Variants in KCNAB1 observed in about 807,000 individuals in gnomAD.
The protein encoded by KCNAB1 is voltage-gated potassium channel subunit beta-1.
KCNAB1 carries 35 observed loss-of-function variants against 64.6 expected under a neutral mutation model. The ratio of observed to expected loss-of-function variants is 0.54; its 90% CI spans 0.41 to 0.72. KCNAB1 has a LOEUF of 0.72. KCNAB1 is among the 30% of genes least tolerant of loss of function. The pLI, the probability that KCNAB1 is intolerant of heterozygous loss-of-function variation, is 0.00. For missense variants in KCNAB1, 401 were observed against 512.9 expected (o/e 0.78, Z 2.11); for synonymous variants, 177 against 183.8 (o/e 0.96, Z 0.30).
chr3:156,120,546 G>A (rs941662590), upstream of KCNAB1: 3 of 1,581,654 alleles, frequency 1.9e-6, no homozygotes, highest in African/African-American at 2.7e-5. Context: ...GGAGGCAGAA[G>A]CAGAAAAATC....
chr3:156,223,229 G>C (rs1208197728), intron 1 of KCNAB1, among the ~76,000 whole-genome samples: 1 of 152,210 alleles, frequency 6.6e-6, no homozygotes, highest in Non-Finnish European at 1.5e-5. Context: ...AGGCAGTGTG[G>C]ACCCAAAGAG....
At chr3:156,226,181 A>C (rs1716148386) in intron 1 of KCNAB1, among the ~76,000 whole-genome samples, 1 of 152,256 alleles carries the variant, frequency 6.6e-6, no homozygotes, top group South Asian at 2.1e-4. Context: ...GTAAGGCCAC[A>C]GTCACCAAAA....
At chr3:156,189,083 T>G (rs1026322881) in intron 1 of KCNAB1, among the ~76,000 whole-genome samples, 1 of 152,212 alleles carries the variant, frequency 6.6e-6, no homozygotes, top group Non-Finnish European at 1.5e-5. Context: ...CTAAAAGTGC[T>G]GGTGACACTT....
At chr3:156,328,911 T>C (rs1723154808) in intron 1 of KCNAB1, among the ~76,000 whole-genome samples, 1 of 152,186 alleles carries the variant, frequency 6.6e-6, no homozygotes, top group Non-Finnish European at 1.5e-5. Context: ...ATATTTGTAT[T>C]ATTTCTATAG....
At chr3:156,308,043 G>A (rs1721627962) in intron 1 of KCNAB1, among the ~76,000 whole-genome samples, 1 of 152,232 alleles carries the variant, frequency 6.6e-6, no homozygotes, top group Non-Finnish European at 1.5e-5. Context: ...CATGTCAGGA[G>A]GTGATACCTG....
intron 1 of KCNAB1, among the ~76,000 whole-genome samples, chr3:156,186,491 T>C (rs1713198522): frequency 6.6e-6 from 1 of 152,230 alleles, no homozygotes; most frequent in South Asian, 2.1e-4. Context: ...TCCTTGTTCC[T>C]GCCTTCTGTC....
chr3:156,270,838 A>G (rs774964570), intron 1 of KCNAB1, among the ~76,000 whole-genome samples: 26 of 152,344 alleles, frequency 1.7e-4, no homozygotes, highest in Non-Finnish European at 2.9e-4. Flanking sequence ...AGACAAAAAA[A>G]AAATTCCTTT....
intron 1 of KCNAB1, among the ~76,000 whole-genome samples, chr3:156,389,445 TC>T (rs1322626974): frequency 6.6e-6 from 1 of 152,140 alleles, no homozygotes; most frequent in African/African-American, 2.4e-5. Context: ...CTAAACTAGC[TC>T]CTGCCACTAC....
chr3:156,529,772 G>T (rs1450363632), intron 12 of KCNAB1, among the ~76,000 whole-genome samples: 1 of 152,210 alleles, frequency 6.6e-6, no homozygotes, highest in Non-Finnish European at 1.5e-5. Flanking sequence ...GTACTCCCAG[G>T]TTTCCAGATT....
At chr3:156,319,526 G>A (rs1003170598) in intron 1 of KCNAB1, among the ~76,000 whole-genome samples, 7 of 152,116 alleles carry the variant, frequency 4.6e-5, no homozygotes, top group African/African-American at 1.7e-4. Flanking sequence ...ACTTAAGAAG[G>A]GCAGGGAAGT....
intron 1 of KCNAB1, among the ~76,000 whole-genome samples, chr3:156,301,916 C>T (rs1417039018): frequency 1.3e-5 from 2 of 152,170 alleles, no homozygotes; most frequent in Admixed American, 6.5e-5. Flanking sequence ...GTAAATTTCA[C>T]ACTGTATTGG....
At chr3:156,219,785 GT>G (rs1433188926) in intron 1 of KCNAB1, among the ~76,000 whole-genome samples, 8 of 151,668 alleles carry the variant, frequency 5.3e-5, no homozygotes, top group South Asian at 4.2e-4. Flanking sequence ...TGTTATATAG[GT>G]AAACCTGTGC....
At chr3:156,266,364 A>G (rs371675806) in intron 1 of KCNAB1, among the ~76,000 whole-genome samples, 1 of 152,240 alleles carries the variant, frequency 6.6e-6, no homozygotes, top group East Asian at 1.9e-4. Context: ...TCTTAACATA[A>G]TGATTCAATT....
At chr3:156,297,895 G>C (rs887560210) in intron 1 of KCNAB1, among the ~76,000 whole-genome samples, 14 of 152,050 alleles carry the variant, frequency 9.2e-5, no homozygotes, top group Admixed American at 9.2e-4. Flanking sequence ...GTTTCAAACA[G>C]AAATATTTGA....
At chr3:156,460,134 G>A (rs3817460) in intron 5 of KCNAB1, 207,764 of 381,004 alleles carry the variant, frequency 0.55, 59,141 homozygotes, top group African/African-American at 0.8. Flanking sequence ...ATTTGTGCAT[G>A]AAAAAGTGAC....
intron 1 of KCNAB1, among the ~76,000 whole-genome samples, chr3:156,213,379 GGCT>G (rs1186731165): frequency 6.6e-6 from 1 of 152,094 alleles, no homozygotes; most frequent in Non-Finnish European, 1.5e-5. Context: ...CACTATGCCT[GGCT>G]AATTTTTCTT....
chr3:156,478,164 C>T (rs903823693), intron 8 of KCNAB1, among the ~76,000 whole-genome samples: 4 of 150,156 alleles, frequency 2.7e-5, no homozygotes, highest in African/African-American at 7.3e-5. Context: ...CTTTTTTTTT[C>T]GGTAGTGGCA....
chr3:156,355,462 G>A (rs186661672), intron 1 of KCNAB1, among the ~76,000 whole-genome samples: 1 of 152,176 alleles, frequency 6.6e-6, no homozygotes, highest in Admixed American at 6.5e-5. Context: ...CACTCCATTT[G>A]CCTGCTTGCA....
intron 1 of KCNAB1, among the ~76,000 whole-genome samples, chr3:156,366,643 C>T (rs1725963310): frequency 6.6e-6 from 1 of 152,210 alleles, no homozygotes; most frequent in South Asian, 2.1e-4. Flanking sequence ...GAATTTCCTG[C>T]ATCCCATCCC....
Sources: gnomAD v4.1 joint callset for allele counts (sites outside exome capture counted in the v4.1 genomes callset) on GRCh38, gnomAD v4.1.1 for gene constraint, MANE v1.5 for transcripts, NCBI Gene and HGNC (gene_info 2026-07-23, HGNC 2026-07-21) for gene names.